Variants in NELL1 observed in about 807,000 individuals in gnomAD.
NELL1 encodes neural EGFL like 1, also known as protein kinase C-binding protein NELL1.
Under a neutral mutation model 107.4 loss-of-function variants are expected in NELL1, and 76 were observed. The ratio of observed to expected loss-of-function variants is 0.71; its 90% confidence interval spans 0.59 to 0.86. The LOEUF is 0.86. Among genes scored for constraint, NELL1 ranks in the 40% least tolerant of loss-of-function variants. The pLI, the probability that NELL1 is intolerant of heterozygous loss-of-function variation, is 0.00. For missense variants in NELL1, 1,024 were observed against 1,005.5 expected (o/e 1.02, Z -0.25); for synonymous variants, 353 against 341.2 (o/e 1.03, Z -0.38).
At chr11:20,956,254 A>C (rs1289474956) in intron 11 of NELL1, among the ~76,000 whole-genome samples, 2 of 151,948 alleles carry the variant, frequency 1.3e-5, no homozygotes, top group Non-Finnish European at 2.9e-5. Context: ...AATATGTCAA[A>C]AATATAAAAG....
chr11:21,247,066 A>C (rs2133905163), intron 14 of NELL1, among the ~76,000 whole-genome samples: 1 of 152,270 alleles, frequency 6.6e-6, no homozygotes, highest in Non-Finnish European at 1.5e-5. Flanking sequence ...GTGGTATAAA[A>C]GATAAAGAGT....
chr11:21,350,580 A>T (rs1200582050), intron 14 of NELL1, among the ~76,000 whole-genome samples: 2 of 152,196 alleles, frequency 1.3e-5, no homozygotes, highest in African/African-American at 4.8e-5. Flanking sequence ...TGGCAGGTTT[A>T]AATGGCCTGG....
intron 13 of NELL1, among the ~76,000 whole-genome samples, chr11:21,139,989 C>T (rs544685593): frequency 3.3e-5 from 5 of 152,244 alleles, no homozygotes; most frequent in East Asian, 3.9e-4. Flanking sequence ...TCAAGAACAA[C>T]ATTATCTTTC....
intron 15 of NELL1, among the ~76,000 whole-genome samples, chr11:21,405,312 TG>T (rs1852209134): frequency 1.3e-5 from 2 of 152,060 alleles, no homozygotes; most frequent in African/African-American, 4.8e-5. Context: ...CCACCAATTT[TG>T]TAAAGAATAT....
intron 13 of NELL1, among the ~76,000 whole-genome samples, chr11:21,125,491 A>G (rs1279800862): frequency 6.6e-6 from 1 of 152,200 alleles, no homozygotes; most frequent in Non-Finnish European, 1.5e-5. Flanking sequence ...TAATTCTATG[A>G]TTCTGTAAGA....
intron 12 of NELL1, among the ~76,000 whole-genome samples, chr11:20,981,715 T>G (rs1851753181): frequency 6.6e-6 from 1 of 152,188 alleles, no homozygotes; most frequent in Non-Finnish European, 1.5e-5. Flanking sequence ...GCTAAGAAAG[T>G]GTAGATGTGT....
chr11:20,727,693 T>A (rs911842062), intron 2 of NELL1, among the ~76,000 whole-genome samples: 1 of 152,216 alleles, frequency 6.6e-6, no homozygotes, highest in Non-Finnish European at 1.5e-5. Flanking sequence ...CTGAATGGTA[T>A]TGCCTAGGTT....
At chr11:21,491,790 G>A (rs927194574) in intron 15 of NELL1, among the ~76,000 whole-genome samples, 11 of 152,220 alleles carry the variant, frequency 7.2e-5, no homozygotes, top group African/African-American at 1.9e-4. Context: ...ACCTTGGGCA[G>A]TATGGCCATT....
At chr11:21,300,757 T>C (rs1289156448) in intron 14 of NELL1, among the ~76,000 whole-genome samples, 1 of 152,062 alleles carries the variant, frequency 6.6e-6, no homozygotes, top group Non-Finnish European at 1.5e-5. Flanking sequence ...TATTATTTCT[T>C]TTTTTAATTA....
chr11:21,430,517 T>C (rs1852938091), intron 15 of NELL1, among the ~76,000 whole-genome samples: 1 of 152,322 alleles, frequency 6.6e-6, no homozygotes, highest in African/African-American at 2.4e-5. Flanking sequence ...ATTTTTATAA[T>C]TCAGCACTAA....
chr11:21,429,891 G>C (rs1052146238), intron 15 of NELL1, among the ~76,000 whole-genome samples: 6 of 152,138 alleles, frequency 3.9e-5, no homozygotes, highest in Middle Eastern at 3.2e-3. Context: ...AAGGACCCTA[G>C]CACTTATCTA....
chr11:21,372,279 GA>G (rs879796518), intron 15 of NELL1, among the ~76,000 whole-genome samples: 129 of 142,022 alleles, frequency 9.1e-4, no homozygotes, highest in African/African-American at 1.3e-3. Flanking sequence ...TTTTTAAAAT[GA>G]AAAAAAAAAC....
At chr11:21,218,168 C>T (rs1479240742) in intron 13 of NELL1, among the ~76,000 whole-genome samples, 3 of 152,024 alleles carry the variant, frequency 2.0e-5, no homozygotes, top group Non-Finnish European at 4.4e-5. Flanking sequence ...GTATTTTTCA[C>T]CTTTCTAATC....
At chr11:20,824,922 A>C (rs1857846491) in intron 3 of NELL1, among the ~76,000 whole-genome samples, 1 of 151,422 alleles carries the variant, frequency 6.6e-6, no homozygotes, top group Admixed American at 6.6e-5. Flanking sequence ...CAAGCAGCCG[A>C]ATGTTAATCA....
chr11:20,945,760 C>A (rs1285641991), intron 10 of NELL1, among the ~76,000 whole-genome samples: 1 of 152,088 alleles, frequency 6.6e-6, no homozygotes, highest in Non-Finnish European at 1.5e-5. Flanking sequence ...GGGACACTTG[C>A]CTTAGGACTG....
intron 12 of NELL1, among the ~76,000 whole-genome samples, chr11:20,970,570 C>T (rs1851478686): frequency 6.6e-6 from 1 of 152,096 alleles, no homozygotes; most frequent in Non-Finnish European, 1.5e-5. Context: ...GCACAGGCTG[C>T]CCAGAGGAAG....
At chr11:20,947,485 C>G (rs373321904) in intron 11 of NELL1, 50 bp downstream of exon 11, 2 of 1,300,452 alleles carry the variant, frequency 1.5e-6, no homozygotes, top group Non-Finnish European at 2.2e-6. Context: ...TGGGGCTGGT[C>G]TTCTGGGGCA....
chr11:20,804,605 G>T (rs1236105562), intron 3 of NELL1, among the ~76,000 whole-genome samples: 1 of 152,098 alleles, frequency 6.6e-6, no homozygotes, highest in Non-Finnish European at 1.5e-5. Flanking sequence ...AATTCCTCTT[G>T]TTACTGATTT....
chr11:21,503,812 C>A (rs1382758202), intron 15 of NELL1, among the ~76,000 whole-genome samples: 1 of 152,006 alleles, frequency 6.6e-6, no homozygotes, highest in Admixed American at 6.6e-5. Context: ...GCTTGCCTAG[C>A]CTAGTCCCTA....
Sources: gnomAD v4.1 joint callset for allele counts (sites outside exome capture counted in the v4.1 genomes callset) on GRCh38, gnomAD v4.1.1 for gene constraint, MANE v1.5 for transcripts, NCBI Gene and HGNC (gene_info 2026-07-23, HGNC 2026-07-21) for gene names.